The following KIRREL3 variants were observed in gnomAD, a reference collection of about 807,000 sequenced individuals.
KIRREL3 encodes the protein kin of IRRE-like protein 3.
Under a neutral mutation model 89.7 loss-of-function variants are expected in KIRREL3, and 36 were observed. That is an observed-to-expected ratio of 0.40 (90% confidence interval 0.31 to 0.53). The LOEUF (loss-of-function observed/expected upper bound fraction) is 0.53. Ranked by LOEUF, KIRREL3 falls within the 20% of genes least tolerant of loss-of-function variation. The pLI is 0.49. For missense variants in KIRREL3, 864 were observed against 1,056.6 expected, an observed-to-expected ratio of 0.82 and a Z score of 2.53; for synonymous variants, 445 against 441.4, an observed-to-expected ratio of 1.01 and a Z score of -0.10.
chr11:126,878,098 G>GT (rs1945358602), intron 1 of KIRREL3, among the ~76,000 whole-genome samples: 1 of 152,196 alleles, frequency 6.6e-6, no homozygotes, highest in Admixed American at 6.5e-5. Flanking sequence ...AGATAGGCAG[G>GT]TAGGTACGTT....
At chr11:126,618,631 C>T (rs1001513393) in intron 1 of KIRREL3, among the ~76,000 whole-genome samples, 4 of 152,268 alleles carry the variant, frequency 2.6e-5, no homozygotes, top group Admixed American at 6.5e-5. Context: ...GACAAGGTTG[C>T]GCCATGTTGG....
At position 126,689,628 on chromosome 11, in the gene KIRREL3, T is replaced by A. The variant is rs1002231824; in HGVS notation, c.56-126716A>T. ...CCCAGCCAGGAGATGGGAAGAGACA[T>A]CTTGTTAGCCAGTTGCTCTGGTAGC... On this transcript the variant is annotated intron_variant, in intron 1 of 16. Transcript: ENST00000525144. This position sits in a 1 kb window ranked among gnomAD's most constrained non-coding sequence, Gnocchi z 5.2. 2.0e-5 allele frequency among the ~76,000 whole-genome samples: 3 copies of A among 152,158 alleles called. No homozygotes were observed. Among genetic ancestry groups the A allele is most frequent in the African/African-American group, 4.8e-5 (2 of 41,442 alleles).
intron 13 of KIRREL3, 93 bp downstream of exon 13, chr11:126,435,175 A>G: frequency 7.6e-7 from 1 of 1,321,264 alleles, no homozygotes; most frequent in Non-Finnish European, 1.1e-6. Flanking sequence ...CGGCCAGCAC[A>G]GGCCTCCCTA....
rs1229548001 is a variant in KIRREL3 at position 126,432,664 on chromosome 11, T to C, written c.1589-1138A>G. 6.6e-6 allele frequency among the ~76,000 whole-genome samples: 1 copy of C among 151,798 alleles called. No homozygotes were observed. The highest frequency in any genetic ancestry group is 1.5e-5 in the Non-Finnish European group (1 of 67,978). ...CTCATGTGCTCGGTACCGCCCAGACTGCTGCTGCTCCGAGTCCTGGCTCCA... is the reference window on the plus strand; with the variant it reads ...CTCATGTGCTCGGTACCGCCCAGACCGCTGCTGCTCCGAGTCCTGGCTCCA... On this transcript the variant is annotated intron_variant, in intron 13 of 16. Transcript: ENST00000525144. The surrounding 1 kb of genome is among the most constrained non-coding windows in gnomAD (Gnocchi z 6.2).
chr11:126,446,300 T>TTCTTTCTTTCTC (rs1565457865), intron 9 of KIRREL3, among the ~76,000 whole-genome samples: 1 of 148,672 alleles, frequency 6.7e-6, no homozygotes, highest in African/African-American at 2.5e-5. Flanking sequence ...CTTTCTTTCT[T>TTCTTTCTTTCTC]TCTCTCTCTC....
At position 126,462,735 on chromosome 11, in the gene KIRREL3, C is replaced by G. The variant is rs1331495087; in HGVS notation, c.742+422G>C. On this transcript the variant is annotated intron_variant, in intron 6 of 16. Coordinates refer to ENST00000525144, the MANE Select transcript of KIRREL3 (RefSeq NM_032531.4). This position sits in a 1 kb window ranked among gnomAD's most constrained non-coding sequence, Gnocchi z 4.8. ...CCTTCTTCTTGTCCCCTTGATCAAC[C>G]CTTCCATGAGAGTGGCTGGTGCACC... 6.6e-6 allele frequency among the ~76,000 whole-genome samples: 1 copy of G among 152,118 alleles called. No individual in the cohort carries two copies. The highest frequency in any genetic ancestry group is 1.5e-5 in the Non-Finnish European group (1 of 68,016).
At chr11:126,590,337 C>T (rs1320756596) in intron 1 of KIRREL3, among the ~76,000 whole-genome samples, 2 of 152,154 alleles carry the variant, frequency 1.3e-5, no homozygotes, top group Admixed American at 1.3e-4. Flanking sequence ...AAGATTACAC[C>T]CACTTTCCTG....
At chr11:126,718,144 C>G (rs1313372605) in intron 1 of KIRREL3, among the ~76,000 whole-genome samples, 3 of 152,190 alleles carry the variant, frequency 2.0e-5, no homozygotes, top group African/African-American at 7.2e-5. Context: ...TGCATCCCAG[C>G]TCTGGGCTCT....
At chr11:126,980,712 C>T (rs1405436461) in intron 1 of KIRREL3, among the ~76,000 whole-genome samples, 1 of 152,148 alleles carries the variant, frequency 6.6e-6, no homozygotes, top group Non-Finnish European at 1.5e-5. Flanking sequence ...GGTGACTTGG[C>T]ATCCACACTA....
At position 126,705,771 on chromosome 11, in the gene KIRREL3, G is replaced by C. The variant is rs972610138; in HGVS notation, c.56-142859C>G. Among the ~76,000 whole-genome samples, 6 of 152,192 alleles carry C rather than the reference G, an allele frequency of 3.9e-5. No individual in the cohort carries two copies. The highest frequency in any genetic ancestry group is 3.3e-4 in the Admixed American group (5 of 15,284). On this transcript the variant is annotated intron_variant, in intron 1 of 16. Transcript: ENST00000525144. This position sits in a 1 kb window ranked among gnomAD's most constrained non-coding sequence, Gnocchi z 4.3. ...AACACTTAGCCACTCCTCCCAGAAA[G>C]AGGTGGAGGCTACCTCTCCTATTTT...
chr11:126,859,612 A>G (rs927264531), intron 1 of KIRREL3, among the ~76,000 whole-genome samples: 1 of 152,224 alleles, frequency 6.6e-6, no homozygotes, highest in East Asian at 1.9e-4. Context: ...ACACTCATGG[A>G]AAAGGCTTAT....
intron 1 of KIRREL3, among the ~76,000 whole-genome samples, chr11:126,956,637 T>C (rs1948930945): frequency 6.6e-6 from 1 of 152,182 alleles, no homozygotes. Context: ...TCAATCGCAT[T>C]TTCTTTCCCC....
intron 2 of KIRREL3, among the ~76,000 whole-genome samples, chr11:126,556,032 G>A (rs1034337121): frequency 4.6e-5 from 7 of 152,194 alleles, no homozygotes; most frequent in East Asian, 3.9e-4. Context: ...GTGAGCCACC[G>A]TGCCCGGCCT....
At position 126,477,336 on chromosome 11, in the gene KIRREL3, C is replaced by T. The variant is rs756748733; in HGVS notation, c.434-3870G>A. 5.9e-5 allele frequency among the ~76,000 whole-genome samples: 9 copies of T among 152,278 alleles called. No individual in the cohort carries two copies. In the East Asian group the frequency reaches 7.7e-4, roughly 13 times the overall value. ...GCAGACTTTGCCTTGTTTGGGTGGG[C>T]GGTGGGGGTACCCGTCCCTTTCCCT... On this transcript the variant is annotated intron_variant, in intron 4 of 16. Transcript: ENST00000525144. The surrounding 1 kb of genome is among the most constrained non-coding windows in gnomAD (Gnocchi z 4.8).
intron 5 of KIRREL3, among the ~76,000 whole-genome samples, chr11:126,468,766 G>T (rs555140640): frequency 6.8e-4 from 103 of 152,354 alleles, no homozygotes; most frequent in African/African-American, 2.2e-3. Context: ...GGGTGCTTCT[G>T]ATGCATAATT....
chr11:126,785,536 G>A (rs781091882), intron 1 of KIRREL3, among the ~76,000 whole-genome samples: 1 of 152,188 alleles, frequency 6.6e-6, no homozygotes, highest in African/African-American at 2.4e-5. Context: ...TGCAATGTAA[G>A]GGTCCTATTG....
rs1398415451 is a variant in KIRREL3 at position 126,704,845 on chromosome 11, C to T, written c.56-141933G>A. On this transcript the variant is annotated intron_variant, in intron 1 of 16. Coordinates refer to ENST00000525144, the MANE Select transcript of KIRREL3 (RefSeq NM_032531.4). This position sits in a 1 kb window ranked among gnomAD's most constrained non-coding sequence, Gnocchi z 4.2. ...TCCTAAAGGAAGATACTGGGATTCT[C>T]AATAGGCCATCACCCAAGGGAAGCA... Among the ~76,000 whole-genome samples, 1 of 152,170 alleles carries T rather than the reference C, an allele frequency of 6.6e-6. No individual in the cohort carries two copies.
chr11:126,512,411 C>T (rs745802118), intron 4 of KIRREL3, among the ~76,000 whole-genome samples: 7 of 152,168 alleles, frequency 4.6e-5, no homozygotes, highest in Admixed American at 1.3e-4. Context: ...CAGTGGCCAG[C>T]GGGGCTTCCA....
intron 1 of KIRREL3, among the ~76,000 whole-genome samples, chr11:126,722,887 C>T (rs1948231559): frequency 6.6e-6 from 1 of 152,240 alleles, no homozygotes; most frequent in Non-Finnish European, 1.5e-5. Context: ...GCTCAAATAT[C>T]ACTTTTCAGG....
Sources: allele counts gnomAD v4.1 joint callset (sites outside exome capture counted in the v4.1 genomes callset), GRCh38; gene constraint gnomAD v4.1.1; non-coding constraint Gnocchi (gnomAD v3.1); transcripts MANE v1.5; gene names NCBI Gene and HGNC (gene_info 2026-07-23, HGNC 2026-07-21).